Variants in WDR11 observed in about 807,000 individuals in gnomAD.
WDR11 encodes the protein WD repeat-containing protein 11.
A neutral mutation model predicts 151.2 loss-of-function variants in WDR11; 83 were observed. That is an observed-to-expected ratio of 0.55 (90% CI 0.46 to 0.66). The LOEUF (loss-of-function observed/expected upper bound fraction) is 0.66. Ranked by LOEUF, WDR11 falls within the 30% of genes least tolerant of loss-of-function variation. The probability of loss-of-function intolerance (pLI) is 0.00; values close to 1 mark genes in which losing one functional copy is unlikely to be tolerated. For missense variants in WDR11, 1,301 were observed against 1,480.9 expected, an observed-to-expected ratio of 0.88 and a Z score of 1.99; for synonymous variants, 484 against 533.1, an observed-to-expected ratio of 0.91 and a Z score of 1.27.
At chr10:120,893,095 T>A (rs1487782474) in intron 19 of WDR11, among the ~76,000 whole-genome samples, 1 of 151,776 alleles carries the variant, frequency 6.6e-6, no homozygotes, top group Non-Finnish European at 1.5e-5. Flanking sequence ...ACATGTGCCA[T>A]GTTGGTGTGC....
chr10:120,897,890 T>TA (rs904523980), intron 19 of WDR11, among the ~76,000 whole-genome samples: 30 of 151,254 alleles, frequency 2.0e-4, no homozygotes, highest in African/African-American at 2.2e-4. Flanking sequence ...TTCTTGGGTG[T>TA]AAAAAAAAAG....
intron 18 of WDR11, 143 bp from the exon 19 acceptor site, chr10:120,890,573 G>T (rs1212203149): frequency 3.4e-5 from 31 of 904,750 alleles, no homozygotes; most frequent in Non-Finnish European, 9.1e-6. Flanking sequence ...CTGCCTATTT[G>T]TGGAAGATAG....
chr10:120,904,829 T>C lies in WDR11; in HGVS notation c.3193+18T>C, dbSNP rs754971731. On this transcript the variant is annotated intron_variant, in intron 25 of 28. Coordinates refer to ENST00000263461, the MANE Select transcript of WDR11 (RefSeq NM_018117.12). ...ATTGGCAGGTAAGGCACACTTGATA[T>C]GTTTGTCATCTCTCTGAAAAATGAG... 1.1e-5 allele frequency: 18 copies of C among 1,613,852 alleles called. No homozygotes were observed. The South Asian group carries it at 1.9e-4, about 17-fold the overall frequency.
At chr10:120,902,935 C>T in intron 22 of WDR11, 120 bp from the exon 23 acceptor site, 1 of 1,053,992 alleles carries the variant, frequency 9.5e-7, no homozygotes, top group East Asian at 2.5e-5. Flanking sequence ...CTGTCAGGCC[C>T]CATGCCAGTA....
At chr10:120,869,962 G>A (rs1342251145) in intron 9 of WDR11, among the ~76,000 whole-genome samples, 2 of 151,900 alleles carry the variant, frequency 1.3e-5, no homozygotes, top group Admixed American at 1.3e-4. Flanking sequence ...GCTAATTTTT[G>A]TATTTTTAGT....
chr10:120,898,521 C>T (rs1847694608), intron 19 of WDR11, among the ~76,000 whole-genome samples: 1 of 152,134 alleles, frequency 6.6e-6, no homozygotes, highest in Non-Finnish European at 1.5e-5. Flanking sequence ...TGATGTGGAT[C>T]ACTGATACGA....
intron 12 of WDR11, chr10:120,880,491 C>G (rs1032614552): frequency 1.0e-4 from 27 of 262,806 alleles, no homozygotes; most frequent in African/African-American, 6.1e-4. Context: ...GAAACCCCAT[C>G]TCTACTAGGA....
intron 18 of WDR11, among the ~76,000 whole-genome samples, chr10:120,890,247 T>A (rs945874754): frequency 2.0e-5 from 3 of 152,124 alleles, no homozygotes; most frequent in Admixed American, 6.6e-5. Context: ...AGTTTCACTC[T>A]TGTCGCCCAG....
Position 120,862,788 on chromosome 10 carries a change from C to G in WDR11, c.580C>G (p.Pro194Ala), listed in dbSNP as rs1263265508. The G allele has an allele frequency of 1.9e-6, 3 of 1,614,024 alleles. No individual in the cohort carries two copies. Among genetic ancestry groups the G allele is most frequent in the Non-Finnish European group, 2.5e-6 (3 of 1,180,036 alleles). Residue 194 changes from proline (P) to alanine (A), a missense_variant, in exon 5 of 29, where the codon CCC becomes GCC. Physicochemically the swap from Pro to Ala is conservative, Grantham distance 27. Around this residue, in one of 3 missense-constraint regions of WDR11, gnomAD observed 692 missense variants for 762.5 expected, o/e 0.91. Coordinates refer to ENST00000263461, the MANE Select transcript of WDR11 (RefSeq NM_018117.12). ...FISDFSPSKP[P>A]SGPGKKVYIS... Reference sequence around the variant, plus strand: ...CTCAGACTTCTCCCCATCCAAGCCTCCCTCAGGCCCTGGGAAAAAAGTTTA... The same window carrying G: ...CTCAGACTTCTCCCCATCCAAGCCTGCCTCAGGCCCTGGGAAAAAAGTTTA...
intron 19 of WDR11, among the ~76,000 whole-genome samples, chr10:120,893,865 T>A (rs1279723138): frequency 1.3e-5 from 2 of 151,590 alleles, no homozygotes; most frequent in Non-Finnish European, 3.0e-5. Flanking sequence ...TGGGGTTGTT[T>A]GTTTTTTTCT....
At chr10:120,878,552 AT>A (rs541632751) in intron 12 of WDR11, 93 bp downstream of exon 12, 295 of 978,452 alleles carry the variant, frequency 3.0e-4, no homozygotes, top group Non-Finnish European at 3.5e-4. Flanking sequence ...TCACCTTGGA[AT>A]TTTTTTTTAT....
Position 120,908,626 on chromosome 10 carries a change from A to G in WDR11, c.3588A>G (p.Ala1196=). Residue 1196 remains alanine (A), a synonymous_variant, in exon 29 of 29, where the codon GCA becomes GCG. Transcript: ENST00000263461. The part of the protein sequence containing the change: ...SLKNLGFKQG[A]VLFASKAGAA... ...AGAACCTCGGTTTTAAGCAGGGAGC[A>G]GTTCTCTTTGCTTCAAAAGCCGGAG... 1 of 1,614,230 alleles carries G rather than the reference A, an allele frequency of 6.2e-7. No homozygotes were observed. Among genetic ancestry groups the G allele is most frequent in the South Asian group, 1.1e-5 (1 of 91,080 alleles).
chr10:120,866,538 T>A, intron 7 of WDR11, 31 bp from the exon 8 acceptor site: 1 of 1,613,546 alleles, frequency 6.2e-7, no homozygotes, highest in Non-Finnish European at 8.5e-7. Flanking sequence ...ATATGGCTGC[T>A]TTCTGATATT....
chr10:120,890,051 G>A (rs1321049980), intron 18 of WDR11, 42 bp downstream of exon 18: 1 of 1,399,600 alleles, frequency 7.1e-7, no homozygotes, highest in Non-Finnish European at 1.0e-6. Context: ...TAAATTGTTA[G>A]CCATAGGAAC....
chr10:120,893,584 C>T (rs1040093077), intron 19 of WDR11, among the ~76,000 whole-genome samples: 39 of 151,266 alleles, frequency 2.6e-4, no homozygotes, highest in Admixed American at 4.6e-4. Context: ...CCTGAGGAAT[C>T]GCCACACTGA....
intron 23 of WDR11, among the ~76,000 whole-genome samples, chr10:120,903,510 CAA>C (rs60137682): frequency 4.0e-4 from 51 of 125,956 alleles, no homozygotes; most frequent in Admixed American, 4.7e-4. Flanking sequence ...ACTCTGTCTC[CAA>C]AAAAAAAAAA....
chr10:120,901,973 C>T (rs1183907006), intron 21 of WDR11, among the ~76,000 whole-genome samples: 3 of 152,160 alleles, frequency 2.0e-5, no homozygotes, highest in Non-Finnish European at 2.9e-5. Flanking sequence ...AGTAGTTAGG[C>T]AGCTAATACT....
chr10:120,866,473 A>G, intron 7 of WDR11, 96 bp from the exon 8 acceptor site: 4 of 1,413,042 alleles, frequency 2.8e-6, no homozygotes, highest in Non-Finnish European at 4.0e-6. Flanking sequence ...TGAAGGAGTG[A>G]TGCCCAAATT....
At chr10:120,856,966 C>T (rs1026019358) in intron 2 of WDR11, among the ~76,000 whole-genome samples, 14 of 152,122 alleles carry the variant, frequency 9.2e-5, no homozygotes, top group Non-Finnish European at 1.5e-4. Context: ...ATCAACTGAT[C>T]AATAGATAAC....
Sources: gnomAD v4.1 joint callset for allele counts (sites outside exome capture counted in the v4.1 genomes callset) on GRCh38, gnomAD v4.1.1 for gene constraint, gnomAD v4.1.1 regional missense constraint, MANE v1.5 for transcripts, NCBI Gene and HGNC (gene_info 2026-07-23, HGNC 2026-07-21) for gene names.